Variants in FMN1 observed in about 807,000 individuals in gnomAD.
The protein encoded by FMN1 is formin-1.
In FMN1, 110 loss-of-function variants were observed where a neutral mutation model predicts 132.4. The observed-to-expected ratio is 0.83, with a 90% CI of 0.71 to 0.97. FMN1 has a LOEUF of 0.97. Among genes scored for constraint, FMN1 ranks in the 50% least tolerant of loss-of-function variants. FMN1 has a pLI of 0.00. For synonymous variants in FMN1, 722 were observed against 651.7 expected (o/e 1.11, Z -1.64); for missense variants, 1,792 against 1,705.3 (o/e 1.05, Z -0.90).
chr15:33,106,746 T>C (rs188943262), intron 4 of FMN1, among the ~76,000 whole-genome samples: 281 of 152,160 alleles, frequency 1.8e-3, no homozygotes, highest in Non-Finnish European at 3.1e-3. Flanking sequence ...GCAGCATCCC[T>C]TGACCTCTAC....
chr15:32,783,744 C>CAA lies in FMN1; in HGVS notation c.4131-6827_4131-6826dup, dbSNP rs533699379. Among the ~76,000 whole-genome samples the CAA allele has an allele frequency of 2.2e-4, 14 of 64,250 alleles. 3 individuals are homozygous for CAA. Among genetic ancestry groups the CAA allele is most frequent in the Admixed American group, 3.8e-4 (2 of 5,308 alleles). The allele number at this position is 64,250 out of a possible 152,430, so 42.2% of individuals were successfully genotyped here. ...TGGGCGACAGAGCGAGACTCTGTTT[C>CAA]AAAAAAAAAAAAAAAAAAAAAAAAA... On this transcript the variant is annotated intron_variant, in intron 19 of 20. Transcript: ENST00000616417.
chr15:32,792,533 A>C (rs2057125690), intron 19 of FMN1, among the ~76,000 whole-genome samples: 1 of 152,218 alleles, frequency 6.6e-6, no homozygotes, highest in Non-Finnish European at 1.5e-5. Context: ...GATTTCAGTT[A>C]GGAAATGTGA....
chr15:32,968,195 A>ATCAG (rs1230393800), intron 8 of FMN1, among the ~76,000 whole-genome samples: 2 of 152,224 alleles, frequency 1.3e-5, no homozygotes, highest in Non-Finnish European at 2.9e-5. Flanking sequence ...TTTGTATTTT[A>ATCAG]AGACTCTCCT....
intron 13 of FMN1, among the ~76,000 whole-genome samples, chr15:32,900,684 G>A (rs2060273367): frequency 2.0e-5 from 3 of 152,164 alleles, no homozygotes; most frequent in Admixed American, 6.5e-5. Flanking sequence ...ACTTTATTAA[G>A]TGCTTGTTGT....
rs59517614 is a variant in FMN1 at position 33,156,273 on chromosome 15, G to GTTT, written c.-131-1231_-131-1229dup. Among the ~76,000 whole-genome samples, 3 of 87,246 alleles carry GTTT rather than the reference G, an allele frequency of 3.4e-5. 1 individual carries two copies. The highest frequency in any genetic ancestry group is 3.3e-4 in the East Asian group (1 of 3,014). 57.2% of individuals were successfully genotyped at this position (87,246 alleles called of 152,430 possible). ...ATATGGGGCTGTTCTCACTCAAGTA[G>GTTT]TTTTTTTTTTTTTTTTTTTTTTTTT... On this transcript the variant is annotated intron_variant, in intron 3 of 20. Transcript: ENST00000616417.
chr15:33,096,424 G>A (rs1240075059), intron 4 of FMN1, among the ~76,000 whole-genome samples: 2 of 152,112 alleles, frequency 1.3e-5, no homozygotes, highest in Non-Finnish European at 2.9e-5. Context: ...CTCTTCATCA[G>A]AGCTGCTAAG....
At chr15:33,084,613 G>A (rs913320702) in intron 5 of FMN1, among the ~76,000 whole-genome samples, 18 of 152,246 alleles carry the variant, frequency 1.2e-4, no homozygotes, top group African/African-American at 4.1e-4. Context: ...CAGAAGTGTT[G>A]TGAAGGTAAA....
intron 4 of FMN1, among the ~76,000 whole-genome samples, chr15:33,097,048 C>T (rs2039111418): frequency 6.6e-6 from 1 of 152,082 alleles, no homozygotes; most frequent in Non-Finnish European, 1.5e-5. Flanking sequence ...AATCCCAGCA[C>T]TTTGGGAGGC....
chr15:32,851,344 T>TA (rs1351820369), intron 17 of FMN1, among the ~76,000 whole-genome samples: 1 of 152,210 alleles, frequency 6.6e-6, no homozygotes, highest in Admixed American at 6.5e-5. Flanking sequence ...CTACAAGATC[T>TA]ATACCTGGGA....
chr15:33,086,491 TTAAG>T (rs2038701093), intron 5 of FMN1, among the ~76,000 whole-genome samples: 1 of 151,948 alleles, frequency 6.6e-6, no homozygotes. Flanking sequence ...TTGTAAAAAA[TTAAG>T]TAATCATTTA....
chr15:32,817,078 G>C (rs1285466128), intron 17 of FMN1, among the ~76,000 whole-genome samples: 1 of 152,204 alleles, frequency 6.6e-6, no homozygotes, highest in Non-Finnish European at 1.5e-5. Flanking sequence ...ATCATACCTT[G>C]ACAAAGGAAA....
At chr15:33,003,263 C>A (rs2034217588) in intron 7 of FMN1, among the ~76,000 whole-genome samples, 1 of 152,130 alleles carries the variant, frequency 6.6e-6, no homozygotes, top group Non-Finnish European at 1.5e-5. Flanking sequence ...TCAAATTGTC[C>A]CTGTTTGCAG....
intron 7 of FMN1, among the ~76,000 whole-genome samples, chr15:33,001,566 T>TCCCCCCCCCCCCCC (rs398026773): frequency 1.0e-5 from 1 of 96,686 alleles, no homozygotes; most frequent in Non-Finnish European, 2.1e-5. Flanking sequence ...TCCTCCCACT[T>TCCCCCCCCCCCCCC]CCCCCCCCAC....
At position 32,969,232 on chromosome 15, in the gene FMN1, G is replaced by A. The variant is rs374374931; in HGVS notation, c.2469C>T (p.Thr823=). 2.1e-5 allele frequency: 34 copies of A among 1,613,746 alleles called. No individual in the cohort carries two copies. The African/African-American group carries it at 4.3e-4, about 20-fold the overall frequency. ...TTTTGGGTACTAATTGATTACTTCT[G>A]GTTGTCTTGCTTTCACTTTCACAGG... The part of the protein sequence containing the change: ...LKPCESESKT[T]RSNQLVPKKL... Residue 823 remains threonine, a synonymous_variant, in exon 8 of 21, where the codon ACC becomes ACT. Transcript: ENST00000616417.
rs57088967 is a variant in FMN1, at chr15:32,804,437, CGGGGGGGGG to C, written c.3929-114_3929-106del. ...TTCATTACCACAGGAGGTCTGAATTCGGGGGGGGGGGGGGGGGGTAGCCTGTAACACATG... is the reference window on the plus strand; with the variant it reads ...TTCATTACCACAGGAGGTCTGAATTCGGGGGGGGGTAGCCTGTAACACATG... On this transcript the variant is annotated intron_variant, in intron 17 of 20. Coordinates refer to ENST00000616417, the MANE Select transcript of FMN1 (RefSeq NM_001277313.2). The C allele has an allele frequency of 2.9e-4, 7 of 24,208 alleles. 1 individual carries two copies. The highest frequency in any genetic ancestry group is 1.1e-3 in the African/African-American group (5 of 4,444). 1.5% of individuals were successfully genotyped at this position (24,208 alleles called of 1,614,324 possible).
At chr15:33,049,371 G>A (rs1308742530) in intron 6 of FMN1, among the ~76,000 whole-genome samples, 1 of 152,132 alleles carries the variant, frequency 6.6e-6, no homozygotes, top group Non-Finnish European at 1.5e-5. Context: ...TCCTAGACCA[G>A]AACAGACCAG....
intron 4 of FMN1, among the ~76,000 whole-genome samples, chr15:33,141,933 C>A (rs897572901): frequency 2.6e-5 from 4 of 152,126 alleles, no homozygotes; most frequent in Non-Finnish European, 5.9e-5. Context: ...CAAGGGGGAT[C>A]TGGGTGGCGC....
intron 3 of FMN1, among the ~76,000 whole-genome samples, chr15:33,161,837 G>C (rs1005349667): frequency 6.6e-6 from 1 of 151,742 alleles, no homozygotes; most frequent in Non-Finnish European, 1.5e-5. Context: ...AGAATGGCGT[G>C]AACCCGGGAG....
chr15:33,128,442 T>C (rs1472678966), intron 4 of FMN1, among the ~76,000 whole-genome samples: 2 of 152,180 alleles, frequency 1.3e-5, no homozygotes, highest in East Asian at 1.9e-4. Context: ...CCTAAAAGAA[T>C]TTTTATTCCT....
Sources: gnomAD v4.1 joint callset for allele counts (sites outside exome capture counted in the v4.1 genomes callset) on GRCh38, gnomAD v4.1.1 for gene constraint, MANE v1.5 for transcripts, NCBI Gene and HGNC (gene_info 2026-07-23, HGNC 2026-07-21) for gene names.